Variants in SLC38A1 observed in about 807,000 individuals in gnomAD.
SLC38A1 encodes the protein sodium-coupled neutral amino acid symporter 1.
SLC38A1 carries 18 observed loss-of-function variants against 60.3 expected under a neutral mutation model. The observed-to-expected ratio is 0.30, with a 90% CI of 0.21 to 0.44. The LOEUF is 0.44. SLC38A1 is among the 20% of genes least tolerant of loss of function. The pLI, the probability that SLC38A1 is intolerant of heterozygous loss-of-function variation, is 1.00. For missense variants in SLC38A1, 448 were observed against 587.2 expected (o/e 0.76, Z 2.45); for synonymous variants, 196 against 212.1 (o/e 0.92, Z 0.66).
intron 1 of SLC38A1, among the ~76,000 whole-genome samples, chr12:46,263,777 C>T (rs1388274304): frequency 6.6e-6 from 1 of 152,146 alleles, no homozygotes; most frequent in Admixed American, 6.5e-5. Context: ...GGCGTCTATG[C>T]CTGGGAAAAT....
chr12:46,248,562 A>C (rs1392832732), intron 1 of SLC38A1, among the ~76,000 whole-genome samples: 1 of 152,128 alleles, frequency 6.6e-6, no homozygotes, highest in African/African-American at 2.4e-5. Flanking sequence ...AGAGACTTAG[A>C]CTCCCACACA....
rs544926079 is a variant in SLC38A1 at position 46,225,632 on chromosome 12, C to G, written c.314+3521G>C. ...TTAGACAAATGACCCTGGTGGTTCC[C>G]AAGTAAAGGAACATCTTAAGTAAAT... On this transcript the variant is annotated intron_variant, in intron 5 of 16. Transcript: ENST00000398637. Among the ~76,000 whole-genome samples, 3 of 152,214 alleles carry G rather than the reference C, an allele frequency of 2.0e-5. No individual in the cohort carries two copies. The East Asian group carries it at 5.8e-4, about 29-fold the overall frequency.
At chr12:46,258,938 G>A (rs1942115659) in intron 1 of SLC38A1, among the ~76,000 whole-genome samples, 1 of 152,208 alleles carries the variant, frequency 6.6e-6, no homozygotes, top group South Asian at 2.1e-4. Flanking sequence ...ACAGGCGTGA[G>A]CCACTGTGCC....
In SLC38A1 at chr12:46,268,233, C is replaced by T. The variant is rs1565805379; in HGVS notation, c.-209+293G>A. Among the ~76,000 whole-genome samples the T allele has an allele frequency of 6.6e-6, 1 of 152,214 alleles. No homozygotes were observed. The highest frequency in any genetic ancestry group is 2.4e-5 in the African/African-American group (1 of 41,450). On this transcript the variant is annotated intron_variant, in intron 1 of 16. Coordinates refer to ENST00000398637, the MANE Select transcript of SLC38A1 (RefSeq NM_030674.4). The surrounding 1 kb of genome is among the most constrained non-coding windows in gnomAD (Gnocchi z 4.4). Reference sequence around the variant, plus strand: ...GATCTGGTACCACACTCTGCCACAGCCACAGGAAAACACACCAAAGTCACA... The same window carrying T: ...GATCTGGTACCACACTCTGCCACAGTCACAGGAAAACACACCAAAGTCACA...
intron 16 of SLC38A1, among the ~76,000 whole-genome samples, chr12:46,196,623 G>C (rs1028419298): frequency 2.0e-5 from 3 of 152,184 alleles, no homozygotes; most frequent in African/African-American, 7.2e-5. Context: ...TGCTCTACTA[G>C]CATCAGTGCT....
chr12:46,253,360 C>T (rs756646005), intron 1 of SLC38A1, among the ~76,000 whole-genome samples: 4 of 152,160 alleles, frequency 2.6e-5, no homozygotes, highest in Non-Finnish European at 5.9e-5. Flanking sequence ...CAGAGCGGCC[C>T]CAAGGGCTGC....
chr12:46,267,043 C>T (rs1430296286), intron 1 of SLC38A1, among the ~76,000 whole-genome samples: 1 of 152,182 alleles, frequency 6.6e-6, no homozygotes, highest in African/African-American at 2.4e-5. Flanking sequence ...TTCCGTTGTC[C>T]TTCTGACGTC....
chr12:46,188,883 A>G lies in SLC38A1; in HGVS notation c.*87T>C. 1 of 1,137,166 alleles carries G rather than the reference A, an allele frequency of 8.8e-7. No individual in the cohort carries two copies. Among genetic ancestry groups the G allele is most frequent in the Non-Finnish European group, 1.3e-6 (1 of 766,016 alleles). 70.4% of individuals were successfully genotyped at this position (1,137,166 alleles called of 1,614,324 possible). A position where few individuals can be genotyped will look rare whatever the true frequency, so the allele number is the denominator to read the frequency against. ...CTGTACATTTCTGTTTGCTTCTGTA[A>G]ACTTGCAAAAGAAGTGGTGAGAGAT... On this transcript the variant is annotated 3_prime_UTR_variant, in exon 17 of 17. Coordinates refer to ENST00000398637, the MANE Select transcript of SLC38A1 (RefSeq NM_030674.4).
intron 13 of SLC38A1, 62 bp from the exon 14 acceptor site, chr12:46,198,805 T>G (rs1939507257): frequency 2.0e-6 from 2 of 991,930 alleles, no homozygotes; most frequent in Non-Finnish European, 3.0e-6. Flanking sequence ...TGAATGACAG[T>G]TTTTCTGAAA....
intron 3 of SLC38A1, among the ~76,000 whole-genome samples, chr12:46,237,204 GT>G (rs1941289974): frequency 6.6e-6 from 1 of 152,210 alleles, no homozygotes; most frequent in Non-Finnish European, 1.5e-5. Flanking sequence ...TTGGGGAGAA[GT>G]GGTTTTCTTA....
Position 46,185,294 on chromosome 12 carries a change from A to T in SLC38A1, c.*3676T>A, listed in dbSNP as rs1477251661. The stretch of plus-strand genomic sequence containing the variant: ...CTTTGAGAACCACTGGCTTAGAGGC[A>T]TGAATCAAGCTCTAGAAAGCAGTCA... On this transcript the variant is annotated 3_prime_UTR_variant, in exon 17 of 17. Coordinates refer to ENST00000398637, the MANE Select transcript of SLC38A1 (RefSeq NM_030674.4). The T allele has an allele frequency of 1.3e-5, 2 of 152,160 alleles. No homozygotes were observed. Among genetic ancestry groups the T allele is most frequent in the African/African-American group, 4.8e-5 (2 of 41,394 alleles). 9.4% of individuals were successfully genotyped at this position (152,160 alleles called of 1,614,324 possible).
intron 1 of SLC38A1, among the ~76,000 whole-genome samples, chr12:46,245,332 C>A (rs535489609): frequency 1.3e-5 from 2 of 152,234 alleles, no homozygotes; most frequent in South Asian, 4.1e-4. Flanking sequence ...CCAAAGAATA[C>A]ATAAAAATGG....
chr12:46,230,991 T>G (rs1941053984), intron 3 of SLC38A1, among the ~76,000 whole-genome samples: 3 of 152,202 alleles, frequency 2.0e-5, no homozygotes, highest in South Asian at 4.1e-4. Flanking sequence ...AAAAAATACC[T>G]GCATTCATAT....
intron 2 of SLC38A1, among the ~76,000 whole-genome samples, chr12:46,240,599 C>T (rs1296120973): frequency 6.6e-6 from 1 of 152,178 alleles, no homozygotes; most frequent in Non-Finnish European, 1.5e-5. Context: ...AAAGCACCTT[C>T]GGTTTAGCAA....
At chr12:46,192,673 G>C (rs963604061) in intron 16 of SLC38A1, among the ~76,000 whole-genome samples, 1 of 152,132 alleles carries the variant, frequency 6.6e-6, no homozygotes, top group African/African-American at 2.4e-5. Context: ...GGGTTTATGT[G>C]CCCAGGAATT....
Position 46,213,365 on chromosome 12 carries a change from T to C in SLC38A1, c.315-4238A>G, listed in dbSNP as rs566783619. 1.1e-4 allele frequency among the ~76,000 whole-genome samples: 16 copies of C among 152,358 alleles called. No homozygotes were observed. The South Asian group carries it at 3.3e-3, about 32-fold the overall frequency. On this transcript the variant is annotated intron_variant, in intron 5 of 16. Transcript: ENST00000398637. ...TGAAGCTAAGTGCCAGTCCTATATT[T>C]ATTTACATTACATTTTATCTTTCAA...
chr12:46,246,660 T>C (rs1941630182), intron 1 of SLC38A1, among the ~76,000 whole-genome samples: 1 of 152,194 alleles, frequency 6.6e-6, no homozygotes, highest in African/African-American at 2.4e-5. Context: ...GCAGTGGTTC[T>C]CCCAGCATGA....
intron 5 of SLC38A1, among the ~76,000 whole-genome samples, chr12:46,224,123 C>T (rs900941602): frequency 1.3e-5 from 2 of 152,104 alleles, no homozygotes; most frequent in African/African-American, 2.4e-5. Flanking sequence ...GCAGGAAATT[C>T]CTTTAGCATC....
chr12:46,246,767 A>T (rs7953187), intron 1 of SLC38A1, among the ~76,000 whole-genome samples: 2,158 of 152,280 alleles, frequency 0.014, 51 homozygotes, highest in African/African-American at 0.048. Context: ...GGGCTGACTG[A>T]CACCTCATAC....
Sources: gnomAD v4.1 joint callset for allele counts (sites outside exome capture counted in the v4.1 genomes callset) on GRCh38, gnomAD v4.1.1 for gene constraint, Gnocchi (gnomAD v3.1) non-coding constraint, MANE v1.5 for transcripts, NCBI Gene and HGNC (gene_info 2026-07-23, HGNC 2026-07-21) for gene names.